Variants in WDR27 observed in about 807,000 individuals in gnomAD.
WDR27 encodes WD repeat domain 27, also known as WD repeat-containing protein 27.
In WDR27, 100 loss-of-function variants were observed where a neutral mutation model predicts 114.4. The ratio of observed to expected loss-of-function variants is 0.87; its 90% confidence interval spans 0.74 to 1.03. The LOEUF is 1.03. Among genes scored for constraint, WDR27 ranks in the 50% least tolerant of loss-of-function variants. The pLI, the probability that WDR27 is intolerant of heterozygous loss-of-function variation, is 0.00. For synonymous variants in WDR27, 449 were observed against 423.1 expected (o/e 1.06, Z -0.75); for missense variants, 1,129 against 1,092.9 (o/e 1.03, Z -0.47).
At chr6:169,512,400 G>C (rs1191594121) in intron 25 of WDR27, among the ~76,000 whole-genome samples, 1 of 152,000 alleles carries the variant, frequency 6.6e-6, no homozygotes, top group Non-Finnish European at 1.5e-5. Context: ...AATTTTTAAA[G>C]GGTTCTTTAT....
chr6:169,616,756 A>AT (rs1811912468), intron 21 of WDR27, among the ~76,000 whole-genome samples: 1 of 152,210 alleles, frequency 6.6e-6, no homozygotes, highest in South Asian at 2.1e-4. Context: ...AATCTCAAAG[A>AT]TACCAAGAAA....
intron 25 of WDR27, among the ~76,000 whole-genome samples, chr6:169,481,596 A>G (rs1397266365): frequency 6.6e-6 from 1 of 152,228 alleles, no homozygotes; most frequent in African/African-American, 2.4e-5. Flanking sequence ...CAGTGAGACC[A>G]TGAACCAACT....
the WDR27 span, among the ~76,000 whole-genome samples, chr6:169,446,007 CT>C: frequency 6.6e-6 from 1 of 152,238 alleles, no homozygotes; most frequent in African/African-American, 2.4e-5. Flanking sequence ...AGGTGTGGCA[CT>C]TAATGAAAGG....
intron 25 of WDR27, among the ~76,000 whole-genome samples, chr6:169,562,101 T>C (rs1440523999): frequency 6.6e-6 from 1 of 152,164 alleles, no homozygotes; most frequent in Non-Finnish European, 1.5e-5. Context: ...CCTAGAGGTA[T>C]AGTCAGAGAT....
In WDR27 at chr6:169,638,117, C is replaced by T. The variant is rs1333005155; in HGVS notation, c.1869+422G>A. On this transcript the variant is annotated intron_variant, in intron 18 of 25. Transcript: ENST00000448612. ...GGATCATGAGGTCAGGAGATCGAGA[C>T]CATCCTGGCTAACAAGGTGAAACCC... is the stretch of plus-strand genomic sequence containing the variant. Among the ~76,000 whole-genome samples the T allele has an allele frequency of 3.7e-5, 3 of 80,216 alleles. 1 individual carries two copies. Among genetic ancestry groups the T allele is most frequent in the Non-Finnish European group, 7.2e-5 (3 of 41,560 alleles). The allele number at this position is 80,216 out of a possible 152,430, so 52.6% of individuals were successfully genotyped here.
At chr6:169,468,531 G>A (rs1785910221) in intron 25 of WDR27, among the ~76,000 whole-genome samples, 1 of 152,190 alleles carries the variant, frequency 6.6e-6, no homozygotes, top group South Asian at 2.1e-4. Flanking sequence ...GAATAGCATG[G>A]AGGTAACCAC....
chr6:169,664,849 A>C (rs77141886), intron 7 of WDR27: 4 of 956,082 alleles, frequency 4.2e-6, no homozygotes, highest in African/African-American at 3.5e-5. Flanking sequence ...GGAGCACAAG[A>C]AGCACGGGGG....
intron 21 of WDR27, among the ~76,000 whole-genome samples, chr6:169,626,876 G>A (rs1042461926): frequency 5.9e-5 from 9 of 152,236 alleles, no homozygotes; most frequent in East Asian, 1.9e-4. Flanking sequence ...AGGATGCCCC[G>A]CTGTGGACGC....
Position 169,658,289 on chromosome 6 carries a change from A to C in WDR27, c.1389T>G (p.Ser463Arg), listed in dbSNP as rs757089768. The part of the protein sequence containing the change: ...IAKEKSTKAA[S>R]EQRRAARNVM... ...CCCTGTACTGACCACGTCGCTGTTC[A>C]CTAGCAGCCTTGGTACTCTTCTCCT... The change falls in exon 13 of 26, where the codon AGT (serine) becomes AGG (arginine). Residue 463 changes from serine (S) to arginine (R), a missense_variant. Transcript: ENST00000448612. The C allele has an allele frequency of 9.4e-6, 15 of 1,600,726 alleles. No individual in the cohort carries two copies. In the Admixed American group the frequency reaches 2.4e-4, roughly 26 times the overall value.
At chr6:169,538,038 G>A (rs1796392777) in intron 25 of WDR27, among the ~76,000 whole-genome samples, 3 of 152,044 alleles carry the variant, frequency 2.0e-5, no homozygotes, top group Admixed American at 1.3e-4. Context: ...TATGTGTGGT[G>A]GGGGTGGGGA....
intron 25 of WDR27, among the ~76,000 whole-genome samples, chr6:169,493,810 T>C (rs1231979995): frequency 2.6e-5 from 4 of 152,210 alleles, no homozygotes; most frequent in Non-Finnish European, 5.9e-5. Context: ...ATATATGACA[T>C]ACATATGTAA....
chr6:169,560,254 C>A (rs1242540185), intron 25 of WDR27, among the ~76,000 whole-genome samples: 1 of 152,146 alleles, frequency 6.6e-6, no homozygotes. Context: ...CTCTCTCATT[C>A]TCTCTTCCCT....
At chr6:169,579,462 G>A (rs1802998768) in intron 24 of WDR27, among the ~76,000 whole-genome samples, 1 of 152,160 alleles carries the variant, frequency 6.6e-6, no homozygotes, top group African/African-American at 2.4e-5. Flanking sequence ...TGTTTCCAGA[G>A]CCTGGGTCAT....
At position 169,664,165 on chromosome 6, in the gene WDR27, C is replaced by T. The variant is rs1388195639; in HGVS notation, c.904+1G>A. 6.3e-7 allele frequency: 1 copy of T among 1,584,762 alleles called. No individual in the cohort carries two copies. On this transcript the variant is annotated splice_donor_variant, in intron 8 of 25. Coordinates refer to ENST00000448612, the MANE Select transcript of WDR27 (RefSeq NM_182552.5). LOFTEE classifies it high-confidence loss of function. Reference sequence around the variant, plus strand: ...CCTGAGGGAGGGTCTGAGCAACCCACCTGGCTGGCTGCACAGCCCAGACTT... The same window carrying T: ...CCTGAGGGAGGGTCTGAGCAACCCATCTGGCTGGCTGCACAGCCCAGACTT...
At chr6:169,463,174 A>G (rs973766968) in intron 25 of WDR27, among the ~76,000 whole-genome samples, 4 of 152,178 alleles carry the variant, frequency 2.6e-5, no homozygotes, top group Admixed American at 1.3e-4. Flanking sequence ...GAAAACTACA[A>G]CTTCCAAAGG....
intron 13 of WDR27, 24 bp downstream of exon 13, chr6:169,658,252 G>C: frequency 6.4e-7 from 1 of 1,574,242 alleles, no homozygotes; most frequent in Non-Finnish European, 8.7e-7. Context: ...TGTATTCTTA[G>C]ATCTCACAGC....
At chr6:169,628,363 A>G (rs1268971693) in intron 21 of WDR27, among the ~76,000 whole-genome samples, 1 of 152,182 alleles carries the variant, frequency 6.6e-6, no homozygotes, top group Non-Finnish European at 1.5e-5. Context: ...CAACAGACTG[A>G]GACTCCACAT....
intron 18 of WDR27, among the ~76,000 whole-genome samples, chr6:169,636,767 C>T (rs527487515): frequency 6.6e-5 from 10 of 152,290 alleles, no homozygotes; most frequent in South Asian, 4.1e-4. Flanking sequence ...TAGCAGTAAA[C>T]ATACTAAGTA....
intron 25 of WDR27, chr6:169,559,653 A>G (rs1799406332): frequency 6.6e-6 from 1 of 152,192 alleles, no homozygotes; most frequent in South Asian, 2.1e-4. Flanking sequence ...TGTCCATAGT[A>G]AGAAAGACAC....
Sources: gnomAD v4.1 joint callset for allele counts (sites outside exome capture counted in the v4.1 genomes callset) on GRCh38, gnomAD v4.1.1 for gene constraint, MANE v1.5 for transcripts, NCBI Gene and HGNC (gene_info 2026-07-23, HGNC 2026-07-21) for gene names.